Variants in NPSR1 observed in about 807,000 individuals in gnomAD.
NPSR1 encodes neuropeptide S receptor 1.
A neutral mutation model predicts 46.9 loss-of-function variants in NPSR1; 48 were observed. The ratio of observed to expected loss-of-function variants is 1.02; its 90% CI spans 0.81 to 1.30. The LOEUF is 1.30. Ranked by LOEUF, NPSR1 falls within the 50% of genes most tolerant of loss-of-function variation. The pLI, the probability that NPSR1 is intolerant of heterozygous loss-of-function variation, is 0.00. For missense variants in NPSR1, 450 were observed against 449.5 expected (o/e 1.00, Z -0.01); for synonymous variants, 176 against 168.1 (o/e 1.05, Z -0.36).
At chr7:34,667,903 A>G (rs1038272630) in intron 1 of NPSR1, among the ~76,000 whole-genome samples, 5 of 151,974 alleles carry the variant, frequency 3.3e-5, no homozygotes, top group Admixed American at 3.3e-4. Context: ...AACTGATTCC[A>G]AGTATTAGCA....
At position 34,727,583 on chromosome 7, in the gene NPSR1, G is replaced by A. The variant is rs147286929; in HGVS notation, c.280+42899G>A. On this transcript the variant is annotated intron_variant, in intron 2 of 8. Transcript: ENST00000360581. Reference sequence around the variant, plus strand: ...AATATCTTGTTCACTTTTGTCATCCGGTGCTGATCATGATTCTCAACAATA... The same window carrying A: ...AATATCTTGTTCACTTTTGTCATCCAGTGCTGATCATGATTCTCAACAATA... Among the ~76,000 whole-genome samples, 200 of 152,234 alleles carry A rather than the reference G, an allele frequency of 1.3e-3. 1 individual carries two copies. The highest frequency in any genetic ancestry group is 2.1e-3 in the Non-Finnish European group (146 of 68,012).
chr7:34,724,743 C>A (rs1784047617), intron 2 of NPSR1, among the ~76,000 whole-genome samples: 1 of 152,038 alleles, frequency 6.6e-6, no homozygotes, highest in African/African-American at 2.4e-5. Context: ...CCTCACCTTA[C>A]CTGTTTTTAA....
intron 2 of NPSR1, chr7:34,753,679 C>T (rs1010189717): frequency 1.3e-5 from 2 of 152,016 alleles, no homozygotes; most frequent in Non-Finnish European, 2.9e-5. Context: ...AGTGAACAGC[C>T]ACTGCACTAC....
intron 2 of NPSR1, among the ~76,000 whole-genome samples, chr7:34,687,715 A>G (rs1793009584): frequency 6.6e-6 from 1 of 152,198 alleles, no homozygotes; most frequent in Admixed American, 6.5e-5. Flanking sequence ...ACCATATCAT[A>G]TATTATGTGC....
At chr7:34,876,014 G>C (rs1223746404) in intron 8 of NPSR1, among the ~76,000 whole-genome samples, 2 of 152,178 alleles carry the variant, frequency 1.3e-5, no homozygotes, top group African/African-American at 4.8e-5. Context: ...TCTCCTCAAG[G>C]AAAAGGGTGG....
intron 2 of NPSR1, among the ~76,000 whole-genome samples, chr7:34,687,355 A>T (rs1254432189): frequency 6.6e-6 from 1 of 152,230 alleles, no homozygotes; most frequent in Non-Finnish European, 1.5e-5. Context: ...GTCTGTTCTC[A>T]CACTGCTATG....
intron 2 of NPSR1, among the ~76,000 whole-genome samples, chr7:34,759,194 G>T (rs150036353): frequency 1.3e-4 from 20 of 152,242 alleles, no homozygotes; most frequent in African/African-American, 4.3e-4. Context: ...AGAGTACATA[G>T]CCATCCTGAT....
At chr7:34,828,068 G>T (rs1789945574) in intron 5 of NPSR1, among the ~76,000 whole-genome samples, 1 of 152,186 alleles carries the variant, frequency 6.6e-6, no homozygotes, top group Non-Finnish European at 1.5e-5. Context: ...TAAATGAAAA[G>T]ATAGACATAC....
At chr7:34,680,661 C>T (rs1028091722) in intron 1 of NPSR1, among the ~76,000 whole-genome samples, 1 of 152,098 alleles carries the variant, frequency 6.6e-6, no homozygotes, top group Admixed American at 6.5e-5. Flanking sequence ...CATAGTCACA[C>T]CATGGAGTAC....
At chr7:34,876,360 T>C (rs939971295) in intron 8 of NPSR1, among the ~76,000 whole-genome samples, 2 of 152,202 alleles carry the variant, frequency 1.3e-5, no homozygotes, top group African/African-American at 4.8e-5. Context: ...CAGATGCTGA[T>C]ATTAGCTGTA....
chr7:34,743,671 C>T (rs183643162), intron 2 of NPSR1, among the ~76,000 whole-genome samples: 1 of 152,240 alleles, frequency 6.6e-6, no homozygotes, highest in African/African-American at 2.4e-5. Flanking sequence ...AACTCCTAAC[C>T]TCGTATCAGC....
At chr7:34,699,744 C>T (rs1333803897) in intron 2 of NPSR1, among the ~76,000 whole-genome samples, 1 of 152,114 alleles carries the variant, frequency 6.6e-6, no homozygotes, top group African/African-American at 2.4e-5. Flanking sequence ...ATTATTTCCA[C>T]AGAGGTCATA....
chr7:34,788,128 A>G (rs1263457304), intron 3 of NPSR1, among the ~76,000 whole-genome samples: 1 of 152,082 alleles, frequency 6.6e-6, no homozygotes, highest in African/African-American at 2.4e-5. Flanking sequence ...GACATCAAAA[A>G]CTAAAATGGG....
chr7:34,862,888 G>T (rs570166881), intron 8 of NPSR1, among the ~76,000 whole-genome samples: 57 of 151,812 alleles, frequency 3.8e-4, no homozygotes, highest in African/African-American at 1.3e-3. Flanking sequence ...TATGGTCACT[G>T]TAAATATAGA....
At chr7:34,773,052 G>A (rs1462462208) in intron 2 of NPSR1, among the ~76,000 whole-genome samples, 1 of 152,138 alleles carries the variant, frequency 6.6e-6, no homozygotes, top group Non-Finnish European at 1.5e-5. Context: ...GAAGAGCACA[G>A]AGGTGCAGAT....
chr7:34,778,917 A>G (rs1449898599), intron 3 of NPSR1, among the ~76,000 whole-genome samples: 1 of 152,158 alleles, frequency 6.6e-6, no homozygotes, highest in Non-Finnish European at 1.5e-5. Context: ...AAATGAACTC[A>G]ACGCTGGCTA....
chr7:34,668,572 CA>C (rs1353669924), intron 1 of NPSR1, among the ~76,000 whole-genome samples: 1 of 152,138 alleles, frequency 6.6e-6, no homozygotes, highest in Non-Finnish European at 1.5e-5. Context: ...GCTGAGGAAA[CA>C]AATAACTGGA....
Position 34,658,396 on chromosome 7 carries a change from T to C in NPSR1, c.-17T>C. Reference sequence around the variant, plus strand: ...GCTGCAGGAGCAAGGACAGTGAGGCTCAACCCCGCCTGAGCCATGCCAGCC... The same window carrying C: ...GCTGCAGGAGCAAGGACAGTGAGGCCCAACCCCGCCTGAGCCATGCCAGCC... On this transcript the variant is annotated 5_prime_UTR_variant, in exon 1 of 9. Transcript: ENST00000360581. 6.2e-7 allele frequency: 1 copy of C among 1,612,926 alleles called. No homozygotes were observed. The highest frequency in any genetic ancestry group is 8.5e-7 in the Non-Finnish European group (1 of 1,179,824).
downstream of NPSR1, among the ~76,000 whole-genome samples, chr7:34,853,986 AC>A (rs1165915965): frequency 1.3e-5 from 2 of 151,898 alleles, no homozygotes; most frequent in Non-Finnish European, 2.9e-5. Context: ...AAAACAAAAA[AC>A]AAAAAAAACA....
Sources: allele counts gnomAD v4.1 joint callset (sites outside exome capture counted in the v4.1 genomes callset), GRCh38; gene constraint gnomAD v4.1.1; transcripts MANE v1.5; gene names NCBI Gene and HGNC (gene_info 2026-07-23, HGNC 2026-07-21).